Variants in MAD1L1 observed in about 807,000 individuals in gnomAD.
The protein encoded by MAD1L1 is mitotic spindle assembly checkpoint protein MAD1.
MAD1L1 carries 95 observed loss-of-function variants against 96.9 expected under a neutral mutation model. The ratio of observed to expected loss-of-function variants is 0.98; its 90% CI spans 0.83 to 1.16. MAD1L1 has a LOEUF of 1.16. Ranked by LOEUF, MAD1L1 falls within the 50% of genes most tolerant of loss-of-function variation. The pLI is 0.00. For synonymous variants in MAD1L1, 473 were observed against 396.6 expected (o/e 1.19, Z -2.29); for missense variants, 1,007 against 954.4 (o/e 1.06, Z -0.73).
intron 11 of MAD1L1, among the ~76,000 whole-genome samples, chr7:2,106,472 G>A (rs1053988148): frequency 4.0e-5 from 6 of 151,724 alleles, no homozygotes; most frequent in Admixed American, 1.3e-4. Flanking sequence ...GGAAACCTGT[G>A]CCAAGCCAGC....
At chr7:2,110,603 T>C (rs527495991) in intron 11 of MAD1L1, among the ~76,000 whole-genome samples, 1 of 152,314 alleles carries the variant, frequency 6.6e-6, no homozygotes, top group East Asian at 1.9e-4. Context: ...CTCCTTCCCA[T>C]CCTCAACACA....
chr7:1,840,674 AG>A (rs1188527122), intron 18 of MAD1L1, among the ~76,000 whole-genome samples: 5 of 152,250 alleles, frequency 3.3e-5, no homozygotes, highest in Non-Finnish European at 7.3e-5. Flanking sequence ...GGTTGCAGTG[AG>A]CCAAGATCGC....
chr7:2,086,122 G>A (rs1785909174), intron 11 of MAD1L1, among the ~76,000 whole-genome samples: 1 of 152,180 alleles, frequency 6.6e-6, no homozygotes, highest in South Asian at 2.1e-4. Flanking sequence ...CTGGCCAGCA[G>A]CCCCAAGGAG....
chr7:1,842,651 G>A (rs186654268), intron 18 of MAD1L1, among the ~76,000 whole-genome samples: 8 of 152,238 alleles, frequency 5.3e-5, no homozygotes, highest in Admixed American at 2.0e-4. Context: ...TTCGTCCTTC[G>A]TCCATCGCTG....
At chr7:2,224,408 C>T (rs1330357380) in intron 4 of MAD1L1, among the ~76,000 whole-genome samples, 2 of 152,334 alleles carry the variant, frequency 1.3e-5, no homozygotes, top group East Asian at 3.9e-4. Context: ...GGGAAAACAG[C>T]TCTCAAAGCA....
chr7:2,116,569 G>GT (rs1554377729), intron 11 of MAD1L1, among the ~76,000 whole-genome samples: 2 of 75,438 alleles, frequency 2.7e-5, no homozygotes, highest in Non-Finnish European at 5.2e-5. Flanking sequence ...CAGAGGGTTG[G>GT]GGGGGGGGGG....
chr7:1,919,430 G>A (rs567405496), intron 17 of MAD1L1, among the ~76,000 whole-genome samples: 221 of 152,374 alleles, frequency 1.5e-3, no homozygotes, highest in Non-Finnish European at 5.9e-4. Context: ...ACTGAAGGCA[G>A]AACTGTAAAG....
At chr7:2,158,786 G>C (rs34045509) in intron 10 of MAD1L1, among the ~76,000 whole-genome samples, 2 of 152,056 alleles carry the variant, frequency 1.3e-5, no homozygotes, top group Non-Finnish European at 2.9e-5. Flanking sequence ...GTGTTTTCCT[G>C]AAGACAGGGG....
chr7:2,145,799 G>A (rs922149098), intron 11 of MAD1L1, among the ~76,000 whole-genome samples: 1 of 152,194 alleles, frequency 6.6e-6, no homozygotes, highest in Non-Finnish European at 1.5e-5. Flanking sequence ...TGCTACTGCA[G>A]TAACTATGGA....
At chr7:2,051,384 C>T (rs1228658255) in intron 12 of MAD1L1, among the ~76,000 whole-genome samples, 3 of 152,192 alleles carry the variant, frequency 2.0e-5, no homozygotes, top group Non-Finnish European at 2.9e-5. Flanking sequence ...CCATAACCCA[C>T]GTGGTGCTGT....
intron 15 of MAD1L1, among the ~76,000 whole-genome samples, chr7:1,963,449 T>G (rs1583930329): frequency 1.3e-5 from 2 of 152,300 alleles, no homozygotes; most frequent in Non-Finnish European, 2.9e-5. Context: ...GAGGGATTCC[T>G]GTCAAACAAG....
At chr7:2,071,524 A>ATT (rs1785126064) in intron 11 of MAD1L1, among the ~76,000 whole-genome samples, 1 of 152,212 alleles carries the variant, frequency 6.6e-6, no homozygotes, top group Admixed American at 6.5e-5. Context: ...TCCATGTGCC[A>ATT]ATGACTGACG....
intron 10 of MAD1L1, among the ~76,000 whole-genome samples, chr7:2,168,056 G>A (rs1014219745): frequency 6.6e-6 from 1 of 152,182 alleles, no homozygotes; most frequent in Non-Finnish European, 1.5e-5. Flanking sequence ...AGGCCGAGGC[G>A]GGTGGATCAC....
intron 18 of MAD1L1, among the ~76,000 whole-genome samples, chr7:1,859,043 A>T (rs1444933269): frequency 1.2e-5 from 1 of 82,132 alleles, no homozygotes; most frequent in Non-Finnish European, 3.4e-5. Context: ...GATGGAGCAG[A>T]CCTCCACACC....
intron 18 of MAD1L1, among the ~76,000 whole-genome samples, chr7:1,872,007 C>T (rs1056365154): frequency 3.3e-5 from 5 of 152,182 alleles, no homozygotes; most frequent in Non-Finnish European, 7.4e-5. Context: ...CATCTCCAGG[C>T]TCTGCTGTGT....
Position 2,232,888 on chromosome 7 carries a change from C to T in MAD1L1, c.-206G>A, listed in dbSNP as rs1794289455. On this transcript the variant is annotated 5_prime_UTR_variant, in exon 1 of 19. Coordinates refer to ENST00000265854, the MANE Select transcript of MAD1L1 (RefSeq NM_001013836.2). ...GCCGCTTACCTCAGCCGCTCGCAGCCAGCTTGCCGCCGCCGCTCGGATCTC... is the reference window on the plus strand; with the variant it reads ...GCCGCTTACCTCAGCCGCTCGCAGCTAGCTTGCCGCCGCCGCTCGGATCTC... 1.3e-5 allele frequency: 2 copies of T among 152,276 alleles called. No individual in the cohort carries two copies. The highest frequency in any genetic ancestry group is 2.9e-5 in the Non-Finnish European group (2 of 68,078). 9.4% of individuals were successfully genotyped at this position (152,276 alleles called of 1,614,324 possible). A position where few individuals can be genotyped will look rare whatever the true frequency, so the allele number is the denominator to read the frequency against.
At chr7:1,836,701 C>T (rs1782953072) in intron 18 of MAD1L1, among the ~76,000 whole-genome samples, 1 of 151,964 alleles carries the variant, frequency 6.6e-6, no homozygotes, top group Non-Finnish European at 1.5e-5. Context: ...GACAAAGATG[C>T]AAAAGGCTAT....
chr7:2,064,737 C>A (rs1784806520), intron 12 of MAD1L1, among the ~76,000 whole-genome samples: 1 of 151,020 alleles, frequency 6.6e-6, no homozygotes. Context: ...ATACCAGATT[C>A]TCCTGGGAGG....
intron 17 of MAD1L1, among the ~76,000 whole-genome samples, chr7:1,898,834 G>A (rs1020026399): frequency 6.6e-6 from 1 of 152,178 alleles, no homozygotes; most frequent in Admixed American, 6.5e-5. Flanking sequence ...GTGAGGAGCC[G>A]GTGCTGAGGA....
Sources: allele counts gnomAD v4.1 joint callset (sites outside exome capture counted in the v4.1 genomes callset), GRCh38; gene constraint gnomAD v4.1.1; transcripts MANE v1.5; gene names NCBI Gene and HGNC (gene_info 2026-07-23, HGNC 2026-07-21).